The following MDN1 variants were observed in gnomAD, a reference collection of about 807,000 sequenced individuals.
The protein encoded by MDN1 is midasin.
MDN1 carries 266 observed loss-of-function variants against 669.2 expected under a neutral mutation model. That is an observed-to-expected ratio of 0.40 (90% CI 0.36 to 0.44). MDN1 has a LOEUF of 0.44. MDN1 is among the 20% of genes least tolerant of loss of function. The pLI is 1.00. For synonymous variants in MDN1, 2,385 were observed against 2,457.1 expected (o/e 0.97, Z 0.87); for missense variants, 5,940 against 6,754.0 (o/e 0.88, Z 4.22).
chr6:89,761,820 C>T (rs1240611951), intron 16 of MDN1, 72 bp from the exon 17 acceptor site: 2 of 1,091,726 alleles, frequency 1.8e-6, no homozygotes, highest in African/African-American at 1.6e-5. Flanking sequence ...CAAACAAATA[C>T]AATTAACAAA....
Position 89,716,707 on chromosome 6 carries a change from A to G in MDN1, c.6686T>C (p.Leu2229Ser), listed in dbSNP as rs779061733. The G allele has an allele frequency of 1.2e-6, 2 of 1,614,052 alleles. No homozygotes were observed. The highest frequency in any genetic ancestry group is 1.7e-6 in the Non-Finnish European group (2 of 1,179,988). ...GTCTCCAGACTTCAGGGCCTGAACCAACATGCTGTCAACCCATTCAAATGT... is the reference window on the plus strand; with the variant it reads ...GTCTCCAGACTTCAGGGCCTGAACCGACATGCTGTCAACCCATTCAAATGT... ...HGTFEWVDSMLVQALKSGDWL... is the reference protein window; with the variant it reads ...HGTFEWVDSMSVQALKSGDWL... The change falls in exon 44 of 102, where the codon TTG becomes TCG. Residue 2229 changes from leucine (L) to serine (S), a missense_variant. This residue lies in a region of MDN1 where 2,292 missense variants were observed against 2,638.3 expected (regional missense o/e 0.87). Coordinates refer to ENST00000369393, the MANE Select transcript of MDN1 (RefSeq NM_014611.3).
intron 15 of MDN1, among the ~76,000 whole-genome samples, chr6:89,763,449 TC>T (rs1320088424): frequency 1.3e-5 from 2 of 152,102 alleles, no homozygotes; most frequent in African/African-American, 4.8e-5. Context: ...ATTAAATTCC[TC>T]TGGCTAAGGA....
rs1277061834 is a variant in MDN1 at position 89,734,671 on chromosome 6, A to G, written c.4724-1896T>C. On this transcript the variant is annotated intron_variant, in intron 33 of 101. Coordinates refer to ENST00000369393, the MANE Select transcript of MDN1 (RefSeq NM_014611.3). ...CCAGACATTGTCTCAAAGGAAGAAG[A>G]AAAAAAAAAAAAAAAAAACAAGAGA... Among the ~76,000 whole-genome samples, 9 of 79,388 alleles carry G rather than the reference A, an allele frequency of 1.1e-4. No homozygotes were observed. The East Asian group carries it at 3.0e-3, about 26-fold the overall frequency. The allele number at this position is 79,388 out of a possible 152,430, so 52.1% of individuals were successfully genotyped here. A position where few individuals can be genotyped will look rare whatever the true frequency, so the allele number is the denominator to read the frequency against.
chr6:89,684,823 G>T, intron 71 of MDN1, 53 bp downstream of exon 71: 2 of 1,177,144 alleles, frequency 1.7e-6, no homozygotes, highest in Non-Finnish European at 2.5e-6. Context: ...TAACGAAAGA[G>T]AATTTGCTGA....
At position 89,642,617 on chromosome 6, in the gene MDN1, A is replaced by AATG. The variant is rs967955017; in HGVS notation, c.*1385_*1387dup. ...TCAGCCTACCATGGACATAAATGCA[A>AATG]ATGATAACCTTTGTAGTAAGAGCAA... On this transcript the variant is annotated 3_prime_UTR_variant, in exon 102 of 102. Coordinates refer to ENST00000369393, the MANE Select transcript of MDN1 (RefSeq NM_014611.3). The AATG allele has an allele frequency of 3.3e-4, 51 of 152,356 alleles. No homozygotes were observed. Among genetic ancestry groups the AATG allele is most frequent in the African/African-American group, 1.2e-3 (48 of 41,582 alleles). The allele number at this position is 152,356 out of a possible 1,614,324, so 9.4% of individuals were successfully genotyped here.
intron 36 of MDN1, among the ~76,000 whole-genome samples, chr6:89,728,250 C>A (rs1450766434): frequency 1.3e-5 from 2 of 151,470 alleles, no homozygotes; most frequent in Non-Finnish European, 2.9e-5. Flanking sequence ...AAAAAGAAAA[C>A]AAAATCCTAT....
intron 100 of MDN1, among the ~76,000 whole-genome samples, chr6:89,645,474 A>G (rs1019894866): frequency 1.3e-5 from 2 of 152,224 alleles, no homozygotes; most frequent in Admixed American, 6.5e-5. Context: ...CATACTGTAC[A>G]TGAGAATTAA....
In MDN1 at chr6:89,713,879, A is replaced by G. The variant is rs577482295; in HGVS notation, c.7070-583T>C. 9.4e-4 allele frequency among the ~76,000 whole-genome samples: 141 copies of G among 149,354 alleles called. 1 individual carries two copies. Among genetic ancestry groups the G allele is most frequent in the Admixed American group, 8.4e-3 (126 of 14,942 alleles). On this transcript the variant is annotated intron_variant, in intron 46 of 101. Transcript: ENST00000369393. ...GTGAAACCCTGTCTCTACTAAAAAT[A>G]AAAAAAAAATTAGCCGGGCGTGGTG...
Position 89,758,298 on chromosome 6 carries a change from T to C in MDN1, c.2659A>G (p.Thr887Ala). The C allele has an allele frequency of 6.2e-7, 1 of 1,612,438 alleles. No individual in the cohort carries two copies. The highest frequency in any genetic ancestry group is 8.5e-7 in the Non-Finnish European group (1 of 1,179,204). Reference sequence around the variant, plus strand: ...GGGAGATTTCTTTTGCCTACATCAGTTGCTGGATTCATACAGGCAAATAAA... The same window carrying C: ...GGGAGATTTCTTTTGCCTACATCAGCTGCTGGATTCATACAGGCAAATAAA... ...FRLFACMNPA[T>A]DVGKRNLPPG... Residue 887 changes from threonine to alanine, a missense_variant, in exon 19 of 102, where the codon ACT becomes GCT. Thr to Ala is a moderately conservative substitution (Grantham distance 58). Coordinates refer to ENST00000369393, the MANE Select transcript of MDN1 (RefSeq NM_014611.3).
chr6:89,750,928 T>A (rs1299482000), intron 23 of MDN1, among the ~76,000 whole-genome samples: 3 of 151,690 alleles, frequency 2.0e-5, no homozygotes, highest in Admixed American at 6.6e-5. Flanking sequence ...TTTTTTTTTT[T>A]AAAAGAATGA....
rs1318768525 is a variant in MDN1 at position 89,700,152 on chromosome 6, A to C, written c.8781T>G (p.Ser2927Arg). 1 of 1,614,100 alleles carries C rather than the reference A, an allele frequency of 6.2e-7. No individual in the cohort carries two copies. The highest frequency in any genetic ancestry group is 1.1e-5 in the South Asian group (1 of 91,078). Residue 2927 changes from serine (S) to arginine (R), a missense_variant, in exon 57 of 102, where the codon AGT becomes AGG. Around this residue, in one of 5 missense-constraint regions of MDN1, gnomAD observed 2,292 missense variants for 2,638.3 expected, o/e 0.87. Coordinates refer to ENST00000369393, the MANE Select transcript of MDN1 (RefSeq NM_014611.3). ...ACTCCATTGCAGGCCACAACTGAAC[A>C]CTCCTGGTGAGGTGGATTACGGAGG... is the stretch of plus-strand genomic sequence containing the variant. ...DLTSVIHLTRSVQLWPAMEYL... is the reference protein window; with the variant it reads ...DLTSVIHLTRRVQLWPAMEYL...
At chr6:89,801,176 A>G (rs914336266) in intron 2 of MDN1, among the ~76,000 whole-genome samples, 8 of 152,134 alleles carry the variant, frequency 5.3e-5, no homozygotes, top group African/African-American at 1.7e-4. Flanking sequence ...CGGGCAGATC[A>G]CCCGAGGTCA....
At chr6:89,772,848 C>T in intron 13 of MDN1, 127 bp from the exon 14 acceptor site, 4 of 1,024,224 alleles carry the variant, frequency 3.9e-6, no homozygotes, top group Non-Finnish European at 5.6e-6. Context: ...TGTCTTCAAG[C>T]TATACCAGAT....
chr6:89,680,709 A>T lies in MDN1; in HGVS notation c.12145T>A (p.Leu4049Met). ...EWCQGAAPSG[L>M]EGELLRRLPK... ...AAGCGACGCAGAAGCTCCCCTTCCA[A>T]GCCGGAAGGAGCAGCGCCCTGACAC... is the stretch of plus-strand genomic sequence containing the variant. Residue 4049 changes from leucine to methionine, a missense_variant, in exon 74 of 102, where the codon TTG becomes ATG. Leu to Met is a conservative substitution (Grantham distance 15). This residue lies in a region of MDN1 where 2,280 missense variants were observed against 2,576.3 expected (regional missense o/e 0.88). Coordinates refer to ENST00000369393, the MANE Select transcript of MDN1 (RefSeq NM_014611.3). 6.2e-7 allele frequency: 1 copy of T among 1,614,140 alleles called. No individual in the cohort carries two copies.
At chr6:89,762,636 C>T (rs767265545) in intron 15 of MDN1, 106 bp from the exon 16 acceptor site, 28 of 745,142 alleles carry the variant, frequency 3.8e-5, no homozygotes, top group East Asian at 5.2e-5. Context: ...ATTTAATTAA[C>T]GTCAGAAATA....
chr6:89,742,404 T>C (rs1467745848), intron 31 of MDN1, among the ~76,000 whole-genome samples: 1 of 148,014 alleles, frequency 6.8e-6, no homozygotes, highest in Non-Finnish European at 1.5e-5. Context: ...CAAGACTGTG[T>C]CTAAAAAAAT....
rs992595065 is a variant in MDN1 at position 89,661,489 on chromosome 6, C to T, written c.14655G>A (p.Leu4885=). The change falls in exon 88 of 102, where the codon TTG becomes TTA. Residue 4885 remains leucine (L), a synonymous_variant. Transcript: ENST00000369393. ...EPEALDLPDD[L]NLDSEDKNGG... The stretch of plus-strand genomic sequence containing the variant: ...CATTCTTGTCTTCACTGTCGAGGTT[C>T]AAGTCATCTGGAAGGTCCAAAGCCT... The T allele has an allele frequency of 1.2e-6, 2 of 1,614,198 alleles. No individual in the cohort carries two copies. The highest frequency in any genetic ancestry group is 1.1e-5 in the South Asian group (1 of 91,086).
At chr6:89,647,149 G>A (rs1808541588) in intron 99 of MDN1, among the ~76,000 whole-genome samples, 1 of 152,154 alleles carries the variant, frequency 6.6e-6, no homozygotes, top group African/African-American at 2.4e-5. Context: ...TAGAGTTCTG[G>A]AAGATACCCC....
At chr6:89,738,246 T>C (rs1250902447) in intron 33 of MDN1, 80 bp downstream of exon 33, 10 of 1,484,940 alleles carry the variant, frequency 6.7e-6, no homozygotes, top group Non-Finnish European at 9.2e-6. Flanking sequence ...ACAGGGCTGA[T>C]GTCCTGTAAG....
Sources: allele counts gnomAD v4.1 joint callset (sites outside exome capture counted in the v4.1 genomes callset), GRCh38; gene constraint gnomAD v4.1.1; regional missense constraint gnomAD v4.1.1; transcripts MANE v1.5; gene names NCBI Gene and HGNC (gene_info 2026-07-23, HGNC 2026-07-21).